CRYBG3: variants seen among roughly 807,000 people sequenced by gnomAD.
CRYBG3 encodes the protein crystallin beta-gamma domain containing 3.
In CRYBG3, 127 loss-of-function variants were observed where a neutral mutation model predicts 244.2. That is an observed-to-expected ratio of 0.52 (90% CI 0.45 to 0.60). The LOEUF is 0.60. Among genes scored for constraint, CRYBG3 ranks in the 20% least tolerant of loss-of-function variants. The pLI, the probability that CRYBG3 is intolerant of heterozygous loss-of-function variation, is 0.00. For synonymous variants in CRYBG3, 1,132 were observed against 1,195.8 expected, an observed-to-expected ratio of 0.95 and a Z score of 1.10; for missense variants, 3,325 against 3,442.5, an observed-to-expected ratio of 0.97 and a Z score of 0.85.
intron 1 of CRYBG3, among the ~76,000 whole-genome samples, chr3:97,825,783 CTAA>C (rs2038569452): frequency 6.6e-6 from 1 of 152,118 alleles, no homozygotes; most frequent in Admixed American, 6.6e-5. Flanking sequence ...GACCAGGCTG[CTAA>C]TGAGCTGTGG....
rs1453880040 is a variant in CRYBG3 at position 97,881,135 on chromosome 3, G to A, written c.7068G>A (p.Lys2356=). 4 of 1,612,042 alleles carry A rather than the reference G, an allele frequency of 2.5e-6. No individual in the cohort carries two copies. Among genetic ancestry groups the A allele is most frequent in the Admixed American group, 1.7e-5 (1 of 59,808 alleles). The part of the protein sequence containing the change: ...GQKCVLEEGE[K]VLNRDWILQN... ...AATGTGTGCTAGAAGAAGGGGAAAA[G>A]GTGTTAAATCGTGACTGGATTCTTC... The change falls in exon 7 of 22, where the codon AAG becomes AAA. Residue 2356 remains lysine (K), a synonymous_variant. Coordinates refer to ENST00000389622, the MANE Select transcript of CRYBG3 (RefSeq NM_153605.4).
chr3:97,887,932 C>T (rs935939281), intron 8 of CRYBG3, among the ~76,000 whole-genome samples: 13 of 152,088 alleles, frequency 8.5e-5, no homozygotes, highest in Admixed American at 7.9e-4. Context: ...ATTCTGAAAA[C>T]GTGGCTCAAA....
chr3:97,889,474 A>G, intron 10 of CRYBG3, 84 bp downstream of exon 10: 1 of 1,142,466 alleles, frequency 8.8e-7, no homozygotes, highest in Non-Finnish European at 1.3e-6. Context: ...ATTGGAATAA[A>G]AAGTACCTCC....
chr3:97,831,598 T>G (rs1200710391), intron 1 of CRYBG3, among the ~76,000 whole-genome samples: 1 of 152,146 alleles, frequency 6.6e-6, no homozygotes, highest in Admixed American at 6.5e-5. Flanking sequence ...ATTGTACTGT[T>G]TATGAAGTGA....
intron 1 of CRYBG3, among the ~76,000 whole-genome samples, chr3:97,840,940 A>T (rs1212089824): frequency 6.6e-6 from 1 of 152,060 alleles, no homozygotes; most frequent in African/African-American, 2.4e-5. Context: ...GACCAAAATC[A>T]ATTCACGTTT....
At chr3:97,936,930 G>A (rs570237955) in intron 19 of CRYBG3, 22 bp downstream of exon 19, 1 of 1,603,010 alleles carries the variant, frequency 6.2e-7, no homozygotes, top group South Asian at 1.1e-5. Flanking sequence ...AGAACCATAA[G>A]ATTCCAAATA....
At chr3:97,911,703 T>C (rs1361247938) in intron 15 of CRYBG3, among the ~76,000 whole-genome samples, 1 of 152,246 alleles carries the variant, frequency 6.6e-6, no homozygotes, top group Non-Finnish European at 1.5e-5. Context: ...ATATTAACTG[T>C]GGATCAGGAA....
chr3:97,847,159 A>G (rs1217489407), intron 2 of CRYBG3, among the ~76,000 whole-genome samples: 1 of 152,142 alleles, frequency 6.6e-6, no homozygotes, highest in Non-Finnish European at 1.5e-5. Context: ...CCCATGACCC[A>G]GACACCTCCC....
chr3:97,873,626 A>G lies in CRYBG3; in HGVS notation c.2432A>G (p.Asn811Ser), dbSNP rs1412616158. The G allele has an allele frequency of 1.3e-5, 20 of 1,534,552 alleles. No individual in the cohort carries two copies. Among genetic ancestry groups the G allele is most frequent in the Non-Finnish European group, 1.7e-5 (20 of 1,146,368 alleles). The change falls in exon 4 of 22, where the codon AAC becomes AGC. Residue 811 changes from asparagine to serine, a missense_variant. Asn to Ser is a conservative substitution (Grantham distance 46). Coordinates refer to ENST00000389622, the MANE Select transcript of CRYBG3 (RefSeq NM_153605.4). ...CTTTCCTTGGAAGCCAAAACTGCTA[A>G]CATTGTATCAAAAGCTGAAATTGAT... ...DSLSLEAKTA[N>S]IVSKAEIDGQ...
chr3:97,897,585 C>T (rs2039654041), intron 12 of CRYBG3, among the ~76,000 whole-genome samples: 1 of 151,766 alleles, frequency 6.6e-6, no homozygotes, highest in South Asian at 2.1e-4. Flanking sequence ...TAGGGCTTAC[C>T]CTGGACTTTA....
intron 1 of CRYBG3, chr3:97,840,730 C>T (rs2108167703): frequency 6.6e-6 from 1 of 152,160 alleles, no homozygotes; most frequent in African/African-American, 2.4e-5. Flanking sequence ...AGAATTTCAG[C>T]AATCTTGAAG....
At chr3:97,932,997 A>G (rs1331780327) in intron 17 of CRYBG3, 1 of 378,286 alleles carries the variant, frequency 2.6e-6, no homozygotes, top group African/African-American at 2.2e-5. Flanking sequence ...ACATTACAAT[A>G]TCTGTACAGT....
At position 97,886,494 on chromosome 3, in the gene CRYBG3, A is replaced by G. The variant is rs2039508351; in HGVS notation, c.7153-137A>G. On this transcript the variant is annotated intron_variant, in intron 7 of 21. Transcript: ENST00000389622. The stretch of plus-strand genomic sequence containing the variant: ...AAAAAAAAAAAGGGTGAGGAGAAAC[A>G]ATATTTCCTTTATGTTTTCTTTGTG... 10 of 623,432 alleles carry G rather than the reference A, an allele frequency of 1.6e-5. No individual in the cohort carries two copies. The South Asian group carries it at 5.0e-4, about 31-fold the overall frequency. The allele number at this position is 623,432 out of a possible 1,614,324, so 38.6% of individuals were successfully genotyped here.
At chr3:97,859,625 C>T (rs1387896863) in intron 2 of CRYBG3, among the ~76,000 whole-genome samples, 1 of 152,108 alleles carries the variant, frequency 6.6e-6, no homozygotes, top group Non-Finnish European at 1.5e-5. Flanking sequence ...TTAGCCTGTT[C>T]ATTTGGAGCT....
At chr3:97,938,625 G>A (rs921384379) in intron 19 of CRYBG3, among the ~76,000 whole-genome samples, 6 of 151,918 alleles carry the variant, frequency 3.9e-5, no homozygotes, top group African/African-American at 1.4e-4. Context: ...TGTAAGCAGT[G>A]CAGCTTGGTG....
intron 2 of CRYBG3, among the ~76,000 whole-genome samples, chr3:97,853,012 T>G (rs2039009469): frequency 6.6e-6 from 1 of 152,162 alleles, no homozygotes; most frequent in African/African-American, 2.4e-5. Flanking sequence ...CCATTTTTAT[T>G]TCTTCTAATT....
intron 17 of CRYBG3, chr3:97,924,541 G>A (rs2040018362): frequency 2.8e-6 from 1 of 360,078 alleles, no homozygotes; most frequent in African/African-American, 2.2e-5. Context: ...TCTTACTGTG[G>A]TAAAATTAAG....
chr3:97,939,200 C>A (rs2040199011), intron 19 of CRYBG3, among the ~76,000 whole-genome samples: 1 of 151,930 alleles, frequency 6.6e-6, no homozygotes, highest in Non-Finnish European at 1.5e-5. Context: ...TTTTTTTTAA[C>A]AAGAATAGTA....
At chr3:97,847,756 A>G (rs780035128) in intron 2 of CRYBG3, among the ~76,000 whole-genome samples, 17 of 152,216 alleles carry the variant, frequency 1.1e-4, no homozygotes, top group Non-Finnish European at 2.4e-4. Flanking sequence ...CCATTTTAGA[A>G]ATGCTGCTCA....
Sources: allele counts gnomAD v4.1 joint callset (sites outside exome capture counted in the v4.1 genomes callset), GRCh38; gene constraint gnomAD v4.1.1; transcripts MANE v1.5; gene names NCBI Gene and HGNC (gene_info 2026-07-23, HGNC 2026-07-21).